LUZP2: variants seen among roughly 807,000 people sequenced by gnomAD.
LUZP2 encodes leucine zipper protein 2.
Under a neutral mutation model 51.6 loss-of-function variants are expected in LUZP2, and 52 were observed. The ratio of observed to expected loss-of-function variants is 1.01; its 90% CI spans 0.81 to 1.27. The LOEUF (loss-of-function observed/expected upper bound fraction) is 1.27. Ranked by LOEUF, LUZP2 falls within the 50% of genes most tolerant of loss-of-function variation. LUZP2 has a pLI of 0.00. For missense variants in LUZP2, 436 were observed against 395.4 expected (o/e 1.10, Z -0.87); for synonymous variants, 154 against 137.3 (o/e 1.12, Z -0.85).
intron 1 of LUZP2, among the ~76,000 whole-genome samples, chr11:24,541,257 GAAAA>G (rs3077907): frequency 8.8e-6 from 1 of 114,210 alleles, no homozygotes. Context: ...TCATCTCAAG[GAAAA>G]AAAAAAAAAA....
chr11:25,029,930 G>GTAAT (rs10650212), intron 9 of LUZP2, among the ~76,000 whole-genome samples: 87,520 of 151,234 alleles, frequency 0.58, 26,398 homozygotes, highest in African/African-American at 0.75. Flanking sequence ...TAACTACCAA[G>GTAAT]TAATTATTTT....
At chr11:24,715,261 C>CTGTGTGTGTGTG (rs1220899685) in intron 1 of LUZP2, among the ~76,000 whole-genome samples, 14 of 73,510 alleles carry the variant, frequency 1.9e-4, no homozygotes, top group South Asian at 1.1e-3. Context: ...CAAGGAGCAA[C>CTGTGTGTGTGTG]TATGTGTGTG....
At chr11:24,730,044 C>A (rs1156598018) in intron 2 of LUZP2, among the ~76,000 whole-genome samples, 2 of 151,562 alleles carry the variant, frequency 1.3e-5, no homozygotes, top group African/African-American at 4.8e-5. Context: ...TGTTTTTAAA[C>A]CATGTGGAGT....
rs74912725 is a variant in LUZP2, at chr11:25,075,650, G to C, written c.859-1679G>C. On this transcript the variant is annotated intron_variant, in intron 10 of 11. Coordinates refer to ENST00000336930, the MANE Select transcript of LUZP2 (RefSeq NM_001009909.4). ...AGAGCATGGAAGGATGACTGAGTCT[G>C]TCTAGTAGTAGAAAAGATAAATTAT... Among the ~76,000 whole-genome samples the C allele has an allele frequency of 5.5e-3, 838 of 152,256 alleles. 8 individuals are homozygous for C. The highest frequency in any genetic ancestry group is 0.019 in the African/African-American group (796 of 41,558).
intron 7 of LUZP2, among the ~76,000 whole-genome samples, chr11:24,963,573 T>C (rs1329732853): frequency 6.6e-6 from 1 of 150,506 alleles, no homozygotes; most frequent in Admixed American, 6.7e-5. Context: ...CCGAGCCATG[T>C]GCGGGATATA....
At chr11:24,948,198 G>T (rs112211784) in intron 7 of LUZP2, among the ~76,000 whole-genome samples, 208 of 151,144 alleles carry the variant, frequency 1.4e-3, no homozygotes, top group Middle Eastern at 0.01. Flanking sequence ...CAAATATAGC[G>T]TTGAGCATCA....
intron 1 of LUZP2, among the ~76,000 whole-genome samples, chr11:24,666,014 G>C (rs1290395318): frequency 2.0e-5 from 3 of 151,896 alleles, no homozygotes; most frequent in Middle Eastern, 6.3e-3. Flanking sequence ...TAATTTTACT[G>C]ATGCAGGTAG....
rs141935852 is a variant in LUZP2, at chr11:24,932,225, G to T, written c.522+17687G>T. Reference sequence around the variant, plus strand: ...GTTTTGTTTATTACACTGGTTTTGTGTTGGTTGGCAGCCAGCCAGGAAATG... The same window carrying T: ...GTTTTGTTTATTACACTGGTTTTGTTTTGGTTGGCAGCCAGCCAGGAAATG... On this transcript the variant is annotated intron_variant, in intron 7 of 11. Coordinates refer to ENST00000336930, the MANE Select transcript of LUZP2 (RefSeq NM_001009909.4). 7.2e-4 allele frequency among the ~76,000 whole-genome samples: 110 copies of T among 152,292 alleles called. 2 individuals carry two copies. Among genetic ancestry groups the T allele is most frequent in the Middle Eastern group, 3.4e-3 (1 of 294 alleles).
At chr11:25,026,444 C>T (rs992093350) in intron 9 of LUZP2, among the ~76,000 whole-genome samples, 1 of 152,006 alleles carries the variant, frequency 6.6e-6, no homozygotes, top group Non-Finnish European at 1.5e-5. Flanking sequence ...GAATACTATT[C>T]CTTCTAATAT....
intron 1 of LUZP2, among the ~76,000 whole-genome samples, chr11:24,596,560 GC>G (rs1853450625): frequency 6.6e-6 from 1 of 152,136 alleles, no homozygotes; most frequent in African/African-American, 2.4e-5. Flanking sequence ...TGGTTTATTA[GC>G]AAGTTAATGG....
At chr11:24,681,042 C>T (rs1195958059) in intron 1 of LUZP2, among the ~76,000 whole-genome samples, 1 of 150,904 alleles carries the variant, frequency 6.6e-6, no homozygotes, top group Non-Finnish European at 1.5e-5. Context: ...ACTGCAGTGG[C>T]GCAATCTCGG....
At chr11:24,610,269 A>C (rs1854076325) in intron 1 of LUZP2, among the ~76,000 whole-genome samples, 1 of 152,214 alleles carries the variant, frequency 6.6e-6, no homozygotes, top group Non-Finnish European at 1.5e-5. Context: ...ATCAGTATCC[A>C]AAGTTGCTAT....
At chr11:24,887,081 C>A (rs1852689186) in intron 5 of LUZP2, among the ~76,000 whole-genome samples, 2 of 152,144 alleles carry the variant, frequency 1.3e-5, no homozygotes, top group Non-Finnish European at 2.9e-5. Context: ...TCTTGTCTGA[C>A]CTGTTTATGC....
intron 9 of LUZP2, among the ~76,000 whole-genome samples, chr11:24,997,703 G>A (rs1003813425): frequency 3.3e-5 from 5 of 152,060 alleles, no homozygotes; most frequent in African/African-American, 4.8e-5. Flanking sequence ...CCATGCCTAT[G>A]TCCTGAATGG....
At chr11:24,702,506 T>C (rs997732557) in intron 1 of LUZP2, among the ~76,000 whole-genome samples, 2 of 152,132 alleles carry the variant, frequency 1.3e-5, no homozygotes, top group Non-Finnish European at 2.9e-5. Context: ...GAGCTTACAA[T>C]CATGGCAGAA....
In LUZP2 at chr11:24,627,686, C is replaced by A. The variant is rs76038527; in HGVS notation, c.63-101483C>A. Among the ~76,000 whole-genome samples the A allele has an allele frequency of 9.2e-3, 1,394 of 152,214 alleles. 14 individuals are homozygous for A. Among genetic ancestry groups the A allele is most frequent in the Non-Finnish European group, 0.015 (1,030 of 68,004 alleles). ...GGATTCTCAACTTGAATTTTCCCTG[C>A]AAAATGGAACCTCTCTGAAGTACTG... On this transcript the variant is annotated intron_variant, in intron 1 of 11. Coordinates refer to ENST00000336930, the MANE Select transcript of LUZP2 (RefSeq NM_001009909.4).
intron 1 of LUZP2, among the ~76,000 whole-genome samples, chr11:24,614,539 G>A (rs1332043475): frequency 1.3e-5 from 2 of 151,812 alleles, no homozygotes; most frequent in African/African-American, 2.4e-5. Flanking sequence ...TATTCAGTAC[G>A]GCTTATCACT....
chr11:24,909,654 A>G (rs938901491), intron 6 of LUZP2, among the ~76,000 whole-genome samples: 1 of 152,250 alleles, frequency 6.6e-6, no homozygotes, highest in Non-Finnish European at 1.5e-5. Context: ...TTCTAAAATC[A>G]GCAGCACAAA....
chr11:24,592,883 T>C (rs1853308241), intron 1 of LUZP2, among the ~76,000 whole-genome samples: 1 of 152,210 alleles, frequency 6.6e-6, no homozygotes, highest in Non-Finnish European at 1.5e-5. Context: ...AGTCTTTAAG[T>C]AGAATGCTCT....
Sources: allele counts gnomAD v4.1 joint callset (sites outside exome capture counted in the v4.1 genomes callset), GRCh38; gene constraint gnomAD v4.1.1; transcripts MANE v1.5; gene names NCBI Gene and HGNC (gene_info 2026-07-23, HGNC 2026-07-21).